RAB11FIP3: variants seen among roughly 807,000 people sequenced by gnomAD.
The protein encoded by RAB11FIP3 is rab11 family-interacting protein 3.
A neutral mutation model predicts 77.8 loss-of-function variants in RAB11FIP3; 17 were observed. The ratio of observed to expected loss-of-function variants is 0.22; its 90% CI spans 0.15 to 0.33. RAB11FIP3 has a LOEUF of 0.33. Among genes scored for constraint, RAB11FIP3 ranks in the 10% least tolerant of loss-of-function variants. The pLI is 1.00. For missense variants in RAB11FIP3, 1,005 were observed against 1,011.2 expected (o/e 0.99, Z 0.08); for synonymous variants, 437 against 448.2 (o/e 0.98, Z 0.31).
rs2032749568 is a variant in RAB11FIP3 at position 522,657 on chromosome 16, G to C, written c.*1818G>C. The C allele has an allele frequency of 6.6e-6, 1 of 152,242 alleles. No individual in the cohort carries two copies. The highest frequency in any genetic ancestry group is 2.4e-5 in the African/African-American group (1 of 41,466). The allele number at this position is 152,242 out of a possible 1,614,324, so 9.4% of individuals were successfully genotyped here. ...AAGACCCTTCCAAGGCCGTAGGATT[G>C]CACCTCCAGGCCCAGTGGAGCCTGG... On this transcript the variant is annotated 3_prime_UTR_variant, in exon 14 of 14. Transcript: ENST00000262305.
intron 1 of RAB11FIP3, among the ~76,000 whole-genome samples, chr16:457,651 T>C (rs1463717687): frequency 1.3e-5 from 2 of 152,150 alleles, no homozygotes; most frequent in Admixed American, 6.6e-5. Context: ...GTTTTAAAAA[T>C]GTATACTTTG....
chr16:502,202 T>C (rs1033315856), intron 6 of RAB11FIP3, among the ~76,000 whole-genome samples: 2 of 152,260 alleles, frequency 1.3e-5, no homozygotes, highest in Admixed American at 1.3e-4. Flanking sequence ...TGGTACAGAT[T>C]CACCACAGCG....
intron 5 of RAB11FIP3, among the ~76,000 whole-genome samples, chr16:492,195 C>T (rs991117700): frequency 1.3e-5 from 2 of 152,202 alleles, no homozygotes; most frequent in African/African-American, 4.8e-5. Context: ...TTCCAGGGCA[C>T]TTAACTCTTC....
At chr16:503,195 A>C in intron 7 of RAB11FIP3, 98 bp downstream of exon 7, 1 of 925,032 alleles carries the variant, frequency 1.1e-6, no homozygotes, top group Non-Finnish European at 1.6e-6. Flanking sequence ...GGGACAGCAC[A>C]GCCGGAGGTG....
Position 505,150 on chromosome 16 carries a change from C to G in RAB11FIP3, c.1396-374C>G, listed in dbSNP as rs1284937087. The stretch of plus-strand genomic sequence containing the variant: ...GACCGAGACATGGATCTGTCTGTCC[C>G]TTGCATCCATGGGCACCTGGGCTGC... On this transcript the variant is annotated intron_variant, in intron 7 of 13. Coordinates refer to ENST00000262305, the MANE Select transcript of RAB11FIP3 (RefSeq NM_014700.4). The surrounding 1 kb of genome is among the most constrained non-coding windows in gnomAD (Gnocchi z 4.0). Among the ~76,000 whole-genome samples, 1 of 151,620 alleles carries G rather than the reference C, an allele frequency of 6.6e-6. No individual in the cohort carries two copies. Among genetic ancestry groups the G allele is most frequent in the Admixed American group, 6.6e-5 (1 of 15,198 alleles).
intron 4 of RAB11FIP3, among the ~76,000 whole-genome samples, chr16:485,751 A>G (rs2056142125): frequency 6.6e-6 from 1 of 151,950 alleles, no homozygotes; most frequent in East Asian, 1.9e-4. Flanking sequence ...GAGCTTATCC[A>G]TTTTTCTTTT....
intron 1 of RAB11FIP3, among the ~76,000 whole-genome samples, chr16:460,205 C>T (rs1030467697): frequency 1.3e-5 from 2 of 152,080 alleles, no homozygotes; most frequent in African/African-American, 4.8e-5. Context: ...TATAAGATTT[C>T]CTTATATATT....
At chr16:503,351 G>A (rs1482323517) in intron 7 of RAB11FIP3, among the ~76,000 whole-genome samples, 2 of 152,232 alleles carry the variant, frequency 1.3e-5, no homozygotes, top group Non-Finnish European at 2.9e-5. Flanking sequence ...GGACTGGGCA[G>A]TGAGTGAGCA....
chr16:441,625 G>T (rs979297692), intron 1 of RAB11FIP3, among the ~76,000 whole-genome samples: 1 of 152,214 alleles, frequency 6.6e-6, no homozygotes, highest in African/African-American at 2.4e-5. Flanking sequence ...ACAGGGACTA[G>T]CCTGGAGTTG....
rs1053803731 is a variant in RAB11FIP3, at chr16:514,343, G to T, written c.1640+3543G>T. Among the ~76,000 whole-genome samples, 2 of 152,070 alleles carry T rather than the reference G, an allele frequency of 1.3e-5. No individual in the cohort carries two copies. The highest frequency in any genetic ancestry group is 4.8e-5 in the African/African-American group (2 of 41,294). Reference sequence around the variant, plus strand: ...CCATCTGGTGTACAGGAAGACCCTGGTCAGTGCAAAGACACTGTCTCAGTC... The same window carrying T: ...CCATCTGGTGTACAGGAAGACCCTGTTCAGTGCAAAGACACTGTCTCAGTC... On this transcript the variant is annotated intron_variant, in intron 9 of 13. Coordinates refer to ENST00000262305, the MANE Select transcript of RAB11FIP3 (RefSeq NM_014700.4). The surrounding 1 kb of genome is among the most constrained non-coding windows in gnomAD (Gnocchi z 4.6).
chr16:482,657 G>A lies in RAB11FIP3; in HGVS notation c.1036G>A (p.Gly346Ser), dbSNP rs749074524. 6.2e-6 allele frequency: 10 copies of A among 1,612,862 alleles called. No individual in the cohort carries two copies. The highest frequency in any genetic ancestry group is 1.3e-5 in the African/African-American group (1 of 74,942). ...LQPEGDADSA[G>S]GSAVPSECLD... ...ACCTGAAGGGGACGCAGACAGTGCC[G>A]GCGGCTCGGCCGTGCCCTCTGAGTG... Residue 346 changes from glycine to serine, a missense_variant, in exon 4 of 14, where the codon GGC (glycine) becomes AGC (serine). Physicochemically the swap from Gly to Ser is moderately conservative, Grantham distance 56. Around this residue, in one of 4 missense-constraint regions of RAB11FIP3, gnomAD observed 433 missense variants for 436.1 expected, o/e 0.99. Transcript: ENST00000262305.
intron 1 of RAB11FIP3, among the ~76,000 whole-genome samples, chr16:436,384 A>G (rs1649370504): frequency 6.6e-6 from 1 of 152,198 alleles, no homozygotes; most frequent in African/African-American, 2.4e-5. Context: ...GGTTCACTGC[A>G]GCCTTGAAGT....
intron 2 of RAB11FIP3, among the ~76,000 whole-genome samples, chr16:462,947 C>T (rs769515841): frequency 7.2e-5 from 11 of 152,148 alleles, no homozygotes; most frequent in African/African-American, 1.4e-4. Flanking sequence ...GTGCTTGTGC[C>T]GTATTTCGTT....
At chr16:488,093 TATTC>T (rs1221380330) in intron 4 of RAB11FIP3, among the ~76,000 whole-genome samples, 5 of 152,182 alleles carry the variant, frequency 3.3e-5, no homozygotes, top group African/African-American at 4.8e-5. Context: ...TGTTAAAATA[TATTC>T]GGGCCAGGCG....
chr16:517,556 C>G (rs1469736062), intron 9 of RAB11FIP3, among the ~76,000 whole-genome samples: 1 of 151,934 alleles, frequency 6.6e-6, no homozygotes, highest in Non-Finnish European at 1.5e-5. Flanking sequence ...GAGCGAGACC[C>G]TCTCTCAAAA....
chr16:469,327 G>A (rs2055770111), intron 2 of RAB11FIP3, among the ~76,000 whole-genome samples: 2 of 152,128 alleles, frequency 1.3e-5, no homozygotes, highest in African/African-American at 4.8e-5. Flanking sequence ...GCCCACCTCA[G>A]CCTCCCAAAG....
chr16:497,215 G>C, intron 6 of RAB11FIP3: 1 of 1,251,152 alleles, frequency 8.0e-7, no homozygotes, highest in Non-Finnish European at 1.1e-6. Context: ...GCCGGGTCTG[G>C]GCAGCTCCCC....
At position 484,909 on chromosome 16, in the gene RAB11FIP3, G is replaced by A. The variant is rs972280271; in HGVS notation, c.1115+2173G>A. Among the ~76,000 whole-genome samples, 5 of 152,152 alleles carry A rather than the reference G, an allele frequency of 3.3e-5. No homozygotes were observed. In the East Asian group the frequency reaches 7.8e-4, roughly 24 times the overall value. On this transcript the variant is annotated intron_variant, in intron 4 of 13. Coordinates refer to ENST00000262305, the MANE Select transcript of RAB11FIP3 (RefSeq NM_014700.4). ...AGGGGCTGCAGGGTCACCAGCCTCCGGCATCTGTGGCTCCTGGGCTCCCTG... is the reference window on the plus strand; with the variant it reads ...AGGGGCTGCAGGGTCACCAGCCTCCAGCATCTGTGGCTCCTGGGCTCCCTG...
rs1452608758 is a variant in RAB11FIP3 at position 471,638 on chromosome 16, G to A, written c.903+249G>A. Among the ~76,000 whole-genome samples the A allele has an allele frequency of 6.6e-6, 1 of 152,188 alleles. No individual in the cohort carries two copies. Among genetic ancestry groups the A allele is most frequent in the Non-Finnish European group, 1.5e-5 (1 of 68,038 alleles). On this transcript the variant is annotated intron_variant, in intron 3 of 13. Transcript: ENST00000262305. This position sits in a 1 kb window ranked among gnomAD's most constrained non-coding sequence, Gnocchi z 4.4. Reference sequence around the variant, plus strand: ...GCCTGTCGCCAGCAGAAGTGGGGTGGGCAGTGATGTCATGACCACCCGCTG... The same window carrying A: ...GCCTGTCGCCAGCAGAAGTGGGGTGAGCAGTGATGTCATGACCACCCGCTG...
Sources: allele counts gnomAD v4.1 joint callset (sites outside exome capture counted in the v4.1 genomes callset), GRCh38; gene constraint gnomAD v4.1.1; regional missense constraint gnomAD v4.1.1; non-coding constraint Gnocchi (gnomAD v3.1); transcripts MANE v1.5; gene names NCBI Gene and HGNC (gene_info 2026-07-23, HGNC 2026-07-21).